Variants in PTPRQ observed in about 807,000 individuals in gnomAD.
PTPRQ encodes phosphatidylinositol phosphatase PTPRQ.
Under a neutral mutation model 246.0 loss-of-function variants are expected in PTPRQ, and 199 were observed. The observed-to-expected ratio is 0.81, with a 90% CI of 0.72 to 0.91. The LOEUF (loss-of-function observed/expected upper bound fraction) is 0.91, where lower values mean the gene tolerates loss of function less well. Ranked by LOEUF, PTPRQ falls within the 40% of genes least tolerant of loss-of-function variation. The pLI is 0.00. For missense variants in PTPRQ, 2,624 were observed against 2,528.4 expected (o/e 1.04, Z -0.81); for synonymous variants, 869 against 853.2 (o/e 1.02, Z -0.32).
intron 8 of PTPRQ, 84 bp from the exon 9 acceptor site, chr12:80,484,349 G>A: frequency 2.1e-6 from 3 of 1,417,688 alleles, no homozygotes; most frequent in South Asian, 1.4e-5. Flanking sequence ...CTTAAATTGT[G>A]AACTAAGAAT....
chr12:80,619,372 CTTT>C lies in PTPRQ; in HGVS notation c.5231-11_5231-9del, dbSNP rs1362218042. ...AACATCAATTGCAGTGATATTTCTT[CTTT>C]GTTTATAGCTCCAGCACGACCAAAA... is the stretch of plus-strand genomic sequence containing the variant. On this transcript the variant is annotated splice_polypyrimidine_tract_variant and intron_variant, in intron 30 of 44. Transcript: ENST00000644991. 2.1e-5 allele frequency: 33 copies of C among 1,544,106 alleles called. No individual in the cohort carries two copies. The East Asian group carries it at 6.1e-4, about 29-fold the overall frequency.
chr12:80,463,536 G>C (rs929905456), intron 6 of PTPRQ, among the ~76,000 whole-genome samples: 5 of 152,058 alleles, frequency 3.3e-5, no homozygotes, highest in Admixed American at 1.3e-4. Context: ...GATACTCCTT[G>C]AGAAGAGCAA....
Position 80,670,365 on chromosome 12 carries a change from C to T in PTPRQ, c.6475C>T (p.Arg2159Ter), listed in dbSNP as rs1445287184. 2.9e-5 allele frequency: 45 copies of T among 1,550,562 alleles called. No individual in the cohort carries two copies. Among genetic ancestry groups the T allele is most frequent in the African/African-American group, 4.1e-5 (3 of 72,916 alleles). ...IERHGDCMTV[R>*]QCNFTAWPEH... ...CTAGCATGGGGATTGCATGACTGTT[C>T]GACAGTGTAACTTTACTGCCTGGCC... Residue 2159 changes from arginine to a stop codon, truncating the protein, a stop_gained, in exon 42 of 45, where the codon CGA becomes TGA. Transcript: ENST00000644991. LOFTEE classifies it high-confidence loss of function.
intron 17 of PTPRQ, among the ~76,000 whole-genome samples, chr12:80,530,052 A>G (rs975451623): frequency 1.3e-5 from 2 of 152,120 alleles, no homozygotes; most frequent in African/African-American, 4.8e-5. Flanking sequence ...TTGGATATGT[A>G]AGAGTTAGAC....
chr12:80,674,141 A>T (rs1153040), intron 43 of PTPRQ, among the ~76,000 whole-genome samples: 61,526 of 151,828 alleles, frequency 0.41, 13,695 homozygotes, highest in African/African-American at 0.6. Context: ...ACTACAATAT[A>T]CACAATATTC....
intron 4 of PTPRQ, 116 bp from the exon 5 acceptor site, chr12:80,459,168 C>G (rs572204517): frequency 2.1e-4 from 85 of 395,422 alleles, no homozygotes; most frequent in Middle Eastern, 6.3e-4. Flanking sequence ...AAATCTTACA[C>G]AAATAGATTT....
At chr12:80,667,132 T>C (rs540700013) in intron 39 of PTPRQ, among the ~76,000 whole-genome samples, 57 of 152,044 alleles carry the variant, frequency 3.7e-4, no homozygotes, top group African/African-American at 1.4e-3. Context: ...CTGTTACTCT[T>C]CCCCCTCATT....
rs767442020 is a variant in PTPRQ, at chr12:80,532,767, C to T, written c.2679-1248C>T. 5.9e-5 allele frequency among the ~76,000 whole-genome samples: 9 copies of T among 152,166 alleles called. No homozygotes were observed. The South Asian group carries it at 1.9e-3, about 32-fold the overall frequency. ...GAAACTGTTTCAAATTGCTGAATAG[C>T]CTGGCTAATCCTGCCTGTCTCCAAT... On this transcript the variant is annotated intron_variant, in intron 17 of 44. Coordinates refer to ENST00000644991, the MANE Select transcript of PTPRQ (RefSeq NM_001145026.2).
intron 3 of PTPRQ, among the ~76,000 whole-genome samples, chr12:80,449,612 G>A (rs1385343464): frequency 6.6e-6 from 1 of 151,586 alleles, no homozygotes; most frequent in Admixed American, 6.6e-5. Flanking sequence ...AGTTTTCCCA[G>A]CACCATTTAT....
chr12:80,454,472 T>C lies in PTPRQ; in HGVS notation c.391-3103T>C, dbSNP rs1486898699. 9.4e-5 allele frequency: 66 copies of C among 700,534 alleles called. No individual in the cohort carries two copies. The Admixed American group carries it at 1.3e-3, about 14-fold the overall frequency. 43.4% of individuals were successfully genotyped at this position (700,534 alleles called of 1,614,324 possible). On this transcript the variant is annotated intron_variant, in intron 3 of 44. Transcript: ENST00000644991. ...GATGCCTTTTATTTCTTTCTCTTGC[T>C]TGATCGCTCTGGCTAGGCCTTCCAG... is the stretch of plus-strand genomic sequence containing the variant.
At chr12:80,608,690 G>C (rs2121094528) in intron 27 of PTPRQ, among the ~76,000 whole-genome samples, 1 of 150,050 alleles carries the variant, frequency 6.7e-6, no homozygotes, top group African/African-American at 2.4e-5. Flanking sequence ...TCCTTCCTCT[G>C]CTACTAAGTA....
intron 35 of PTPRQ, among the ~76,000 whole-genome samples, chr12:80,645,786 C>T (rs1900051617): frequency 6.6e-6 from 1 of 151,850 alleles, no homozygotes; most frequent in African/African-American, 2.4e-5. Flanking sequence ...CGAAGAATGC[C>T]TGGAATGGTA....
intron 35 of PTPRQ, among the ~76,000 whole-genome samples, chr12:80,645,516 C>T (rs1900041239): frequency 6.6e-6 from 1 of 151,002 alleles, no homozygotes; most frequent in South Asian, 2.1e-4. Flanking sequence ...TTAATGTTTA[C>T]TGTGAATAAT....
At chr12:80,607,997 G>A (rs1467756234) in intron 27 of PTPRQ, among the ~76,000 whole-genome samples, 2 of 150,674 alleles carry the variant, frequency 1.3e-5, no homozygotes, top group Non-Finnish European at 3.0e-5. Context: ...AGTTTTGTGG[G>A]GAATATAAGG....
intron 9 of PTPRQ, among the ~76,000 whole-genome samples, chr12:80,486,365 A>G (rs541068271): frequency 4.7e-4 from 71 of 152,212 alleles, no homozygotes; most frequent in African/African-American, 1.7e-3. Context: ...ATCTTTCTTT[A>G]TTAGATCAGA....
At position 80,496,323 on chromosome 12, in the gene PTPRQ, A is replaced by G; in HGVS notation, c.2064A>G (p.Pro688=). Residue 688 remains proline, a synonymous_variant, in exon 14 of 45, where the codon CCA becomes CCG. Transcript: ENST00000644991. ...TADEIRLKWS[P]PEKPNGIIIA... ...ATGAAATAAGGTTGAAGTGGTCACC[A>G]CCCGAAAAGCCCAATGGGATCATTA... 1 of 1,550,858 alleles carries G rather than the reference A, an allele frequency of 6.4e-7. No homozygotes were observed. Among genetic ancestry groups the G allele is most frequent in the Non-Finnish European group, 8.7e-7 (1 of 1,146,486 alleles).
chr12:80,644,593 T>C (rs1900003052), intron 35 of PTPRQ, among the ~76,000 whole-genome samples: 1 of 152,136 alleles, frequency 6.6e-6, no homozygotes, highest in Admixed American at 6.5e-5. Context: ...TTCATGCACA[T>C]CAATTTCTGT....
At position 80,542,829 on chromosome 12, in the gene PTPRQ, A is replaced by C; in HGVS notation, c.3821A>C (p.Lys1274Thr). Residue 1274 changes from lysine (K) to threonine (T), a missense_variant, in exon 23 of 45, where the codon AAA becomes ACA. Transcript: ENST00000644991. ...AGTCCTCTTCCAGGTGGTATTGTTAAAGTATATAGTTTTAAAATTCATGAA... is the reference window on the plus strand; with the variant it reads ...AGTCCTCTTCCAGGTGGTATTGTTACAGTATATAGTTTTAAAATTCATGAA... ...SPSPLPGGIV[K>T]VYSFKIHEHE... 1 of 1,547,620 alleles carries C rather than the reference A, an allele frequency of 6.5e-7. No individual in the cohort carries two copies. Among genetic ancestry groups the C allele is most frequent in the South Asian group, 1.2e-5 (1 of 83,094 alleles).
At chr12:80,600,581 G>A (rs184143221) in intron 26 of PTPRQ, among the ~76,000 whole-genome samples, 1 of 151,816 alleles carries the variant, frequency 6.6e-6, no homozygotes, top group East Asian at 2.0e-4. Context: ...TGATGTCTGG[G>A]CAACGATAAT....
Sources: allele counts gnomAD v4.1 joint callset (sites outside exome capture counted in the v4.1 genomes callset), GRCh38; gene constraint gnomAD v4.1.1; transcripts MANE v1.5; gene names NCBI Gene and HGNC (gene_info 2026-07-23, HGNC 2026-07-21).